THSD7A: variants seen among roughly 807,000 people sequenced by gnomAD.
The protein encoded by THSD7A is thrombospondin type 1 domain containing 7A.
Under a neutral mutation model 231.3 loss-of-function variants are expected in THSD7A, and 96 were observed. The observed-to-expected ratio is 0.41, with a 90% CI of 0.35 to 0.49. The LOEUF (loss-of-function observed/expected upper bound fraction) is 0.49. Ranked by LOEUF, THSD7A falls within the 20% of genes least tolerant of loss-of-function variation. THSD7A has a pLI of 0.05. For missense variants in THSD7A, 2,290 were observed against 2,070.2 expected (o/e 1.11, Z -2.06); for synonymous variants, 940 against 743.3 (o/e 1.26, Z -4.30).
chr7:11,741,654 G>A (rs1351015513), intron 1 of THSD7A, among the ~76,000 whole-genome samples: 1 of 151,758 alleles, frequency 6.6e-6, no homozygotes, highest in African/African-American at 2.4e-5. Flanking sequence ...GAAATCAGAA[G>A]TAATAAATAT....
intron 6 of THSD7A, among the ~76,000 whole-genome samples, chr7:11,506,870 T>C (rs550949465): frequency 1.5e-5 from 2 of 137,684 alleles, no homozygotes; most frequent in African/African-American, 5.4e-5. Context: ...TCCATCACCG[T>C]ACCCCTTTGT....
chr7:11,713,395 T>TA (rs1465191933), intron 1 of THSD7A, among the ~76,000 whole-genome samples: 2 of 151,140 alleles, frequency 1.3e-5, no homozygotes, highest in Admixed American at 1.3e-4. Context: ...AACTATCAGT[T>TA]AAAAAAGATA....
rs377651723 is a variant in THSD7A at position 11,609,589 on chromosome 7, A to G, written c.1023-16087T>C. On this transcript the variant is annotated intron_variant, in intron 2 of 27. Transcript: ENST00000423059. ...CTAAATATTATTGTTGCCCAACATA[A>G]GAAGAGCTGCCTAAAAAGAAATGAG... Among the ~76,000 whole-genome samples, 4 of 152,254 alleles carry G rather than the reference A, an allele frequency of 2.6e-5. 1 individual carries two copies. The highest frequency in any genetic ancestry group is 9.6e-5 in the African/African-American group (4 of 41,550).
intron 1 of THSD7A, among the ~76,000 whole-genome samples, chr7:11,768,063 A>G (rs544753174): frequency 1.1e-4 from 16 of 152,328 alleles, no homozygotes; most frequent in African/African-American, 3.8e-4. Context: ...AATGTAAACC[A>G]GTGAGATGTG....
rs987800473 is a variant in THSD7A, at chr7:11,593,569, CAA to C, written c.1023-69_1023-68del. 74 of 1,548,318 alleles carry C rather than the reference CAA, an allele frequency of 4.8e-5. No individual in the cohort carries two copies. The African/African-American group carries it at 8.9e-4, about 19-fold the overall frequency. ...AGTTATGAACTTTGTCTTCTACGCT[CAA>C]GAGTGAATCAGCTTGGGCATTTTTA... On this transcript the variant is annotated intron_variant, in intron 2 of 27. Transcript: ENST00000423059.
intron 6 of THSD7A, among the ~76,000 whole-genome samples, chr7:11,525,531 C>A (rs1452203927): frequency 6.6e-6 from 1 of 152,066 alleles, no homozygotes; most frequent in Admixed American, 6.6e-5. Flanking sequence ...TACAACTATA[C>A]AACTATTTCT....
intron 2 of THSD7A, among the ~76,000 whole-genome samples, chr7:11,607,824 T>G (rs1780782598): frequency 6.6e-6 from 1 of 152,110 alleles, no homozygotes; most frequent in South Asian, 2.1e-4. Flanking sequence ...TTTGAAAATC[T>G]TTTGTTGAGC....
chr7:11,641,035 T>A (rs1199092220), intron 1 of THSD7A, among the ~76,000 whole-genome samples: 1 of 152,120 alleles, frequency 6.6e-6, no homozygotes, highest in African/African-American at 2.4e-5. Context: ...AAAATAGTTT[T>A]TTGATCACTT....
chr7:11,467,805 G>A (rs1391149038), intron 9 of THSD7A, among the ~76,000 whole-genome samples: 4 of 151,606 alleles, frequency 2.6e-5, no homozygotes, highest in African/African-American at 4.8e-5. Flanking sequence ...AATCACAAAT[G>A]TGTTTTCAAG....
chr7:11,651,468 TTATC>T (rs935031191), intron 1 of THSD7A, among the ~76,000 whole-genome samples: 5 of 145,294 alleles, frequency 3.4e-5, no homozygotes, highest in African/African-American at 5.2e-5. Context: ...TATCCATCTA[TTATC>T]TATCTATCTA....
chr7:11,620,058 C>T (rs951338382), intron 2 of THSD7A, among the ~76,000 whole-genome samples: 4 of 152,230 alleles, frequency 2.6e-5, no homozygotes, highest in East Asian at 1.9e-4. Flanking sequence ...GGTTGACAAA[C>T]GTGATCAATA....
intron 1 of THSD7A, among the ~76,000 whole-genome samples, chr7:11,774,477 T>C (rs1264613514): frequency 7.4e-6 from 1 of 135,712 alleles, no homozygotes; most frequent in East Asian, 2.1e-4. Context: ...GGTCTCATGT[T>C]AAGCATTCTT....
intron 16 of THSD7A, among the ~76,000 whole-genome samples, chr7:11,423,224 A>G (rs1784208410): frequency 6.6e-6 from 1 of 152,210 alleles, no homozygotes; most frequent in South Asian, 2.1e-4. Context: ...ATATAGGTCC[A>G]TATGCAAAGG....
chr7:11,480,966 A>G (rs1786398909), intron 7 of THSD7A, among the ~76,000 whole-genome samples: 1 of 152,190 alleles, frequency 6.6e-6, no homozygotes, highest in Non-Finnish European at 1.5e-5. Context: ...AATAACATAC[A>G]CTTATATTCT....
chr7:11,483,752 A>G (rs1454796634), intron 6 of THSD7A, among the ~76,000 whole-genome samples: 1 of 152,084 alleles, frequency 6.6e-6, no homozygotes, highest in East Asian at 1.9e-4. Flanking sequence ...TTTTGTTTCC[A>G]ATATTCTGTG....
rs1301299944 is a variant in THSD7A, at chr7:11,374,538, T to G, written c.*1256A>C. ...AGAGAAAGAAAAATCAACATATAAT[T>G]TTGATTTCCTTTAGTTACAAAGGTC... On this transcript the variant is annotated 3_prime_UTR_variant, in exon 28 of 28. Transcript: ENST00000423059. The G allele has an allele frequency of 2.0e-5, 3 of 152,082 alleles. No individual in the cohort carries two copies. Among genetic ancestry groups the G allele is most frequent in the Non-Finnish European group, 4.4e-5 (3 of 67,982 alleles). The allele number at this position is 152,082 out of a possible 1,614,324, so 9.4% of individuals were successfully genotyped here.
chr7:11,792,593 G>A (rs1005623691), intron 1 of THSD7A, among the ~76,000 whole-genome samples: 8 of 151,924 alleles, frequency 5.3e-5, no homozygotes, highest in African/African-American at 1.9e-4. Context: ...TGTTCAGCCT[G>A]CAGAGTGAAT....
At chr7:11,378,505 C>T (rs2115290312) in intron 26 of THSD7A, among the ~76,000 whole-genome samples, 1 of 152,302 alleles carries the variant, frequency 6.6e-6, no homozygotes, top group African/African-American at 2.4e-5. Flanking sequence ...TTTGGATCAT[C>T]CTATCCAGAA....
intron 1 of THSD7A, among the ~76,000 whole-genome samples, chr7:11,810,306 G>C (rs990020246): frequency 2.6e-5 from 4 of 152,162 alleles, no homozygotes; most frequent in Non-Finnish European, 4.4e-5. Flanking sequence ...ACCTCTCAGA[G>C]TTTTGCACAT....
Sources: gnomAD v4.1 joint callset for allele counts (sites outside exome capture counted in the v4.1 genomes callset) on GRCh38, gnomAD v4.1.1 for gene constraint, MANE v1.5 for transcripts, NCBI Gene and HGNC (gene_info 2026-07-23, HGNC 2026-07-21) for gene names.